The following STX3 variants were observed in gnomAD, a reference collection of about 807,000 sequenced individuals.
The protein encoded by STX3 is syntaxin-3.
In STX3, 19 loss-of-function variants were observed where a neutral mutation model predicts 40.2. The ratio of observed to expected loss-of-function variants is 0.47; its 90% CI spans 0.33 to 0.69. The LOEUF (loss-of-function observed/expected upper bound fraction) is 0.69. Among genes scored for constraint, STX3 ranks in the 30% least tolerant of loss-of-function variants. The pLI is 0.02. For synonymous variants in STX3, 122 were observed against 132.2 expected (o/e 0.92, Z 0.53); for missense variants, 364 against 366.7 (o/e 0.99, Z 0.06).
intron 1 of STX3, among the ~76,000 whole-genome samples, chr11:59,761,867 A>G (rs944014376): frequency 2.6e-5 from 4 of 151,304 alleles, no homozygotes; most frequent in Non-Finnish European, 5.9e-5. Context: ...TTTTAGATTT[A>G]TGGAAAAGTT....
intron 4 of STX3, 101 bp downstream of exon 4, chr11:59,789,048 AC>A: frequency 9.6e-7 from 1 of 1,039,778 alleles, no homozygotes; most frequent in African/African-American, 1.6e-5. Flanking sequence ...GATGGAAGTG[AC>A]ACCACTTGGT....
chr11:59,792,331 G>A (rs1865233462), intron 6 of STX3, 116 bp downstream of exon 6: 17 of 776,562 alleles, frequency 2.2e-5, no homozygotes, highest in Non-Finnish European at 2.8e-5. Context: ...CTAAGTCTAG[G>A]GCAGCTCCTG....
At chr11:59,757,729 C>G (rs1031795207) in intron 1 of STX3, among the ~76,000 whole-genome samples, 6 of 150,686 alleles carry the variant, frequency 4.0e-5, no homozygotes, top group Admixed American at 3.3e-4. Flanking sequence ...CAAGACTGAT[C>G]ACTGTGCTTC....
chr11:59,801,346 C>G lies in STX3; in HGVS notation c.*522C>G, dbSNP rs1358875586. 3.0e-6 allele frequency: 3 copies of G among 990,416 alleles called. No homozygotes were observed. The African/African-American group carries it at 5.2e-5, about 17-fold the overall frequency. The allele number at this position is 990,416 out of a possible 1,614,324, so 61.4% of individuals were successfully genotyped here. A position where few individuals can be genotyped will look rare whatever the true frequency, so the allele number is the denominator to read the frequency against. ...CAATCCTGTTTGTTGTCCGTATGTC[C>G]TGAAAACATGAGGGACTGGCAGATG... On this transcript the variant is annotated 3_prime_UTR_variant, in exon 11 of 11. Coordinates refer to ENST00000337979, the MANE Select transcript of STX3 (RefSeq NM_004177.5).
intron 1 of STX3, among the ~76,000 whole-genome samples, chr11:59,757,789 T>C (rs1862805543): frequency 6.6e-6 from 1 of 152,178 alleles, no homozygotes; most frequent in Non-Finnish European, 1.5e-5. Flanking sequence ...AACAAAGAAT[T>C]GAGTTGATCT....
chr11:59,792,078 G>T (rs1865210540), intron 5 of STX3, 29 bp from the exon 6 acceptor site: 6 of 1,573,424 alleles, frequency 3.8e-6, no homozygotes, highest in Non-Finnish European at 5.2e-6. Flanking sequence ...AACCACTGGG[G>T]CCTGACTGCA....
chr11:59,802,444 A>G lies in STX3; in HGVS notation c.*1620A>G. 1.0e-6 allele frequency: 1 copy of G among 985,844 alleles called. No homozygotes were observed. Among genetic ancestry groups the G allele is most frequent in the Non-Finnish European group, 1.2e-6 (1 of 829,944 alleles). The allele number at this position is 985,844 out of a possible 1,614,324, so 61.1% of individuals were successfully genotyped here. On this transcript the variant is annotated 3_prime_UTR_variant, in exon 11 of 11. Transcript: ENST00000337979. The stretch of plus-strand genomic sequence containing the variant: ...TTAGCTTCCTTTGCAAAGGCTACTT[A>G]TGGCCGGTCACAATCCAGCACTCAG...
intron 8 of STX3, 135 bp from the exon 9 acceptor site, chr11:59,795,237 A>G (rs1028746307): frequency 7.3e-6 from 5 of 684,704 alleles, no homozygotes; most frequent in African/African-American, 1.8e-5. Flanking sequence ...TGGGTGTCCT[A>G]TGGAAGGCCA....
chr11:59,795,790 G>A, intron 9 of STX3: 1 of 1,297,026 alleles, frequency 7.7e-7, no homozygotes, highest in Non-Finnish European at 1.1e-6. Flanking sequence ...CCCTACCTGT[G>A]TTCTTGAGCC....
intron 1 of STX3, among the ~76,000 whole-genome samples, chr11:59,759,520 A>G (rs2134855354): frequency 6.6e-6 from 1 of 152,346 alleles, no homozygotes; most frequent in Non-Finnish European, 1.5e-5. Flanking sequence ...GAGGGCCAAC[A>G]GTAATCAAAG....
intron 1 of STX3, 144 bp downstream of exon 1, chr11:59,755,779 C>T (rs1862678898): frequency 7.1e-6 from 8 of 1,129,780 alleles, no homozygotes; most frequent in Non-Finnish European, 8.3e-6. Context: ...CGCGCCGGTT[C>T]CGCACCCTCC....
Position 59,793,459 on chromosome 11 carries a change from G to T in STX3, c.620G>T (p.Ser207Ile), listed in dbSNP as rs776040112. 14 of 1,614,076 alleles carry T rather than the reference G, an allele frequency of 8.7e-6. No homozygotes were observed. Among genetic ancestry groups the T allele is most frequent in the Non-Finnish European group, 1.2e-5 (14 of 1,180,032 alleles). Residue 207 changes from serine to isoleucine, a missense_variant, in exon 8 of 11, where the codon AGC becomes ATC. Ser to Ile is a moderately radical substitution (Grantham distance 142, BLOSUM62 -2). Coordinates refer to ENST00000337979, the MANE Select transcript of STX3 (RefSeq NM_004177.5). Reference sequence around the variant, plus strand: ...AAGGACATTGTGAGGCTGGAGAGCAGCATCAAGGAGCTTCACGACATGTTT... The same window carrying T: ...AAGGACATTGTGAGGCTGGAGAGCATCATCAAGGAGCTTCACGACATGTTT... ...RHKDIVRLES[S>I]IKELHDMFMD...
intron 1 of STX3, among the ~76,000 whole-genome samples, chr11:59,757,764 A>G (rs573960413): frequency 6.9e-4 from 105 of 152,224 alleles, no homozygotes; most frequent in Non-Finnish European, 1.3e-3. Context: ...CTGCTTCTCA[A>G]TTCCTCCTTT....
intron 1 of STX3, among the ~76,000 whole-genome samples, chr11:59,770,168 G>C (rs1203651352): frequency 1.3e-5 from 2 of 150,092 alleles, no homozygotes; most frequent in Non-Finnish European, 3.0e-5. Flanking sequence ...TGCGTGTAAG[G>C]GGTGTGTGTG....
chr11:59,776,142 G>T (rs1302454217), intron 2 of STX3, among the ~76,000 whole-genome samples: 1 of 152,176 alleles, frequency 6.6e-6, no homozygotes, highest in Non-Finnish European at 1.5e-5. Flanking sequence ...AGAGGATAAG[G>T]CCTTGGGGGA....
At chr11:59,790,697 G>A in intron 5 of STX3, 111 bp downstream of exon 5, 1 of 795,592 alleles carries the variant, frequency 1.3e-6, no homozygotes, top group African/African-American at 1.7e-5. Flanking sequence ...AACTCAATTT[G>A]AAGACCTGGT....
At chr11:59,791,230 G>T (rs982153162) in intron 5 of STX3, among the ~76,000 whole-genome samples, 1 of 152,146 alleles carries the variant, frequency 6.6e-6, no homozygotes, top group African/African-American at 2.4e-5. Flanking sequence ...GTTGGTAGTG[G>T]TGGTGGGTAG....
intron 1 of STX3, among the ~76,000 whole-genome samples, chr11:59,770,124 AGT>A (rs897167956): frequency 6.2e-5 from 9 of 145,590 alleles, no homozygotes; most frequent in African/African-American, 2.1e-4. Flanking sequence ...GTATGTGTGG[AGT>A]GTGTACGTGT....
intron 3 of STX3, 73 bp downstream of exon 3, chr11:59,787,209 G>T: frequency 7.3e-7 from 1 of 1,371,970 alleles, no homozygotes; most frequent in Admixed American, 1.7e-5. Flanking sequence ...TTGTTTTCTT[G>T]CCCTTCGTGA....
Sources: allele counts gnomAD v4.1 joint callset (sites outside exome capture counted in the v4.1 genomes callset), GRCh38; gene constraint gnomAD v4.1.1; transcripts MANE v1.5; gene names NCBI Gene and HGNC (gene_info 2026-07-23, HGNC 2026-07-21).